Variants in OVCH1 observed in about 807,000 individuals in gnomAD.
OVCH1 encodes the protein ovochymase 1.
In OVCH1, 139 loss-of-function variants were observed where a neutral mutation model predicts 138.4. The ratio of observed to expected loss-of-function variants is 1.00; its 90% CI spans 0.87 to 1.16. The LOEUF (loss-of-function observed/expected upper bound fraction) is 1.16, where lower values mean the gene tolerates loss of function less well. Among genes scored for constraint, OVCH1 ranks in the 50% most tolerant of loss-of-function variants. The pLI, the probability that OVCH1 is intolerant of heterozygous loss-of-function variation, is 0.00. For synonymous variants in OVCH1, 453 were observed against 467.8 expected (o/e 0.97, Z 0.41); for missense variants, 1,367 against 1,357.9 (o/e 1.01, Z -0.11).
Position 29,470,689 on chromosome 12 carries a change from G to T in OVCH1, c.1856+1113C>A, listed in dbSNP as rs372212231. ...TGCTGCAATAAACATATGTGTGCAT[G>T]TGTCTTTATAGTAGAATTATTTATA... is the stretch of plus-strand genomic sequence containing the variant. On this transcript the variant is annotated intron_variant, in intron 16 of 27. Coordinates refer to ENST00000318184, the Ensembl canonical transcript of OVCH1. Among the ~76,000 whole-genome samples, 19 of 152,254 alleles carry T rather than the reference G, an allele frequency of 1.2e-4. No homozygotes were observed. In the East Asian group the frequency reaches 3.7e-3, roughly 29 times the overall value.
chr12:29,485,695 T>G (rs1217065968), intron 8 of OVCH1, among the ~76,000 whole-genome samples: 1 of 151,560 alleles, frequency 6.6e-6, no homozygotes, highest in Non-Finnish European at 1.5e-5. Context: ...AGAATGGCGT[T>G]AACCCGGAAG....
At chr12:29,436,498 C>T (rs1461249791) in intron 26 of OVCH1, among the ~76,000 whole-genome samples, 1 of 152,124 alleles carries the variant, frequency 6.6e-6, no homozygotes, top group East Asian at 1.9e-4. Context: ...AAATTTCTCA[C>T]TCAGCTCATT....
rs548595864 is a variant in OVCH1 at position 29,492,401 on chromosome 12, T to C, written c.455-1209A>G. Among the ~76,000 whole-genome samples, 5 of 152,226 alleles carry C rather than the reference T, an allele frequency of 3.3e-5. No individual in the cohort carries two copies. The South Asian group carries it at 8.3e-4, about 25-fold the overall frequency. ...GAGGGTATGTCAGATAATAATGACA[T>C]TGATTTTCATCTAAATGTAGTGGAG... On this transcript the variant is annotated intron_variant, in intron 4 of 27. Coordinates refer to ENST00000318184, the Ensembl canonical transcript of OVCH1.
Position 29,477,545 on chromosome 12 carries a change from T to G in OVCH1, c.1103A>C (p.Gln368Pro), listed in dbSNP as rs1349916091. Residue 368 changes from glutamine (Q) to proline (P), a missense_variant, in exon 10 of 28, where the codon CAA becomes CCA. By Grantham distance (76) the Gln-to-Pro change is moderately conservative. Transcript: ENST00000318184. ...GTGGTGGAAACTTACACGTTTGTTT[T>G]GTTTTCCATCGTCTTCCATGAGAGA... 2 of 1,613,906 alleles carry G rather than the reference T, an allele frequency of 1.2e-6. No individual in the cohort carries two copies. The highest frequency in any genetic ancestry group is 1.3e-5 in the African/African-American group (1 of 75,068).
intron 4 of OVCH1, among the ~76,000 whole-genome samples, chr12:29,492,695 T>A (rs890451160): frequency 3.3e-5 from 5 of 152,098 alleles, no homozygotes; most frequent in Non-Finnish European, 7.4e-5. Flanking sequence ...CAAGGATGAA[T>A]CCAGAGTTTT....
chr12:29,494,667 C>A lies in OVCH1; in HGVS notation c.454+618G>T, dbSNP rs145930301. Among the ~76,000 whole-genome samples, 455 of 152,232 alleles carry A rather than the reference C, an allele frequency of 3.0e-3. 1 individual carries two copies. Among genetic ancestry groups the A allele is most frequent in the Middle Eastern group, 6.8e-3 (2 of 294 alleles). The stretch of plus-strand genomic sequence containing the variant: ...AAGAATGAAATCTTGTCATTTGTAA[C>A]AACACAGATGAAACTGAACATGGAT... On this transcript the variant is annotated intron_variant, in intron 4 of 27. Transcript: ENST00000318184.
intron 6 of OVCH1, among the ~76,000 whole-genome samples, 198 bp downstream of exon 6, chr12:29,489,422 A>G (rs887392933): frequency 1.3e-5 from 2 of 152,238 alleles, no homozygotes; most frequent in African/African-American, 4.8e-5. Context: ...GTGTAGGGGT[A>G]GGAATGGACG....
the OVCH1 span, among the ~76,000 whole-genome samples, chr12:29,404,715 A>G: frequency 6.6e-6 from 1 of 152,122 alleles, no homozygotes; most frequent in Non-Finnish European, 1.5e-5. Context: ...TAATTCAGCT[A>G]TGCAGCTGAA....
chr12:29,465,104 A>G, intron 17 of OVCH1, 43 bp downstream of exon 17: 1 of 1,513,362 alleles, frequency 6.6e-7, no homozygotes, highest in Non-Finnish European at 9.0e-7. Context: ...ATGTGACAAC[A>G]TTTAGATTAC....
chr12:29,489,635 TC>T lies in OVCH1; in HGVS notation c.686del (p.Gly229GlufsTer27), dbSNP rs1943219534. On this transcript the variant is annotated frameshift_variant, in exon 6 of 28. Transcript: ENST00000318184. LOFTEE classifies it high-confidence loss of function. ...ACTTTTGTACCTGGCAGGCGTCCATTCCCCAATCAGGGAAGCCAGCACACAG... is the reference window on the plus strand; with the variant it reads ...ACTTTTGTACCTGGCAGGCGTCCATTCCCAATCAGGGAAGCCAGCACACAG... The T allele has an allele frequency of 2.5e-6, 4 of 1,607,196 alleles. No individual in the cohort carries two copies. Among genetic ancestry groups the T allele is most frequent in the Middle Eastern group, 1.7e-4 (1 of 5,972 alleles).
At chr12:29,428,392 G>A (rs1035351451) in intron 27 of OVCH1, among the ~76,000 whole-genome samples, 3 of 152,176 alleles carry the variant, frequency 2.0e-5, no homozygotes, top group Admixed American at 6.5e-5. Flanking sequence ...TTCTTACTGA[G>A]ATACCCCATG....
chr12:29,479,288 A>T (rs536299513), intron 8 of OVCH1, among the ~76,000 whole-genome samples: 1 of 152,322 alleles, frequency 6.6e-6, no homozygotes, highest in Non-Finnish European at 1.5e-5. Flanking sequence ...TAAAATTCAT[A>T]CTATTCACCC....
At chr12:29,462,063 T>A in intron 18 of OVCH1, 55 bp from the exon 19 acceptor site, 1 of 1,560,950 alleles carries the variant, frequency 6.4e-7, no homozygotes, top group South Asian at 1.1e-5. Flanking sequence ...GAAAGTGTTG[T>A]TAGAAATGTA....
intron 25 of OVCH1, among the ~76,000 whole-genome samples, chr12:29,442,235 A>G (rs538280613): frequency 5.3e-5 from 8 of 152,234 alleles, no homozygotes; most frequent in African/African-American, 1.9e-4. Context: ...ATGTCCAACA[A>G]TGATAGACCG....
rs759907654 is a variant in OVCH1, at chr12:29,471,965, G to A, written c.1693C>T (p.Pro565Ser). 16 of 1,612,060 alleles carry A rather than the reference G, an allele frequency of 9.9e-6. No homozygotes were observed. The Admixed American group carries it at 2.7e-4, about 27-fold the overall frequency. ...CTGGAAAGCCACTGGGGACTAAATG[G>A]AGGGATGCCACAGACATCTACAGTA... The change falls in exon 16 of 28, where the codon CCA becomes TCA. Residue 565 changes from proline to serine, a missense_variant. Physicochemically the swap from Pro to Ser is moderately conservative, Grantham distance 74 (BLOSUM62 -1). Coordinates refer to ENST00000318184, the Ensembl canonical transcript of OVCH1.
At chr12:29,455,288 C>G in exon 20 of OVCH1, 4 of 1,613,872 alleles carry the variant, frequency 2.5e-6, no homozygotes, top group Non-Finnish European at 3.4e-6. Context: ...AAGATCATCA[C>G]TCTGGCAAAT....
chr12:29,420,982 A>G (rs1027334557), intron 3 of OVCH1, among the ~76,000 whole-genome samples: 3 of 152,260 alleles, frequency 2.0e-5, no homozygotes, highest in African/African-American at 7.2e-5. Flanking sequence ...GGGTACACCC[A>G]TTGTGAGCCC....
At chr12:29,415,546 T>TA (rs79008146) in intron 3 of OVCH1, among the ~76,000 whole-genome samples, 7,267 of 152,178 alleles carry the variant, frequency 0.048, 181 homozygotes, top group East Asian at 0.068. Context: ...CCTAACAAAA[T>TA]ACCATTTACA....
intron 13 of OVCH1, 91 bp from the exon 14 acceptor site, chr12:29,475,280 T>A (rs754641685): frequency 9.3e-7 from 1 of 1,080,466 alleles, no homozygotes; most frequent in Non-Finnish European, 1.3e-6. Flanking sequence ...TCTAATCAAC[T>A]ACTTTAGTTT....
Sources: gnomAD v4.1 joint callset for allele counts (sites outside exome capture counted in the v4.1 genomes callset) on GRCh38, gnomAD v4.1.1 for gene constraint, MANE v1.5 for transcripts, NCBI Gene and HGNC (gene_info 2026-07-23, HGNC 2026-07-21) for gene names.